Variants in SEC24A observed in about 807,000 individuals in gnomAD.
SEC24A encodes the protein protein transport protein Sec24A.
In SEC24A, 93 loss-of-function variants were observed where a neutral mutation model predicts 129.4. The ratio of observed to expected loss-of-function variants is 0.72; its 90% CI spans 0.61 to 0.85. The LOEUF (loss-of-function observed/expected upper bound fraction) is 0.85. Among genes scored for constraint, SEC24A ranks in the 40% least tolerant of loss-of-function variants. The pLI, the probability that SEC24A is intolerant of heterozygous loss-of-function variation, is 0.00. For missense variants in SEC24A, 1,264 were observed against 1,307.4 expected, an observed-to-expected ratio of 0.97 and a Z score of 0.51; for synonymous variants, 460 against 467.3, an observed-to-expected ratio of 0.98 and a Z score of 0.20.
rs953704598 is a variant in SEC24A at position 134,692,956 on chromosome 5, A to G, written c.1779+299A>G. 31 of 1,241,628 alleles carry G rather than the reference A, an allele frequency of 2.5e-5. No homozygotes were observed. In the East Asian group the frequency reaches 7.8e-4, roughly 31 times the overall value. 76.9% of individuals were successfully genotyped at this position (1,241,628 alleles called of 1,614,324 possible). ...TTGGGAAGTTGGGAGGGTTGCTGAGATAAAGCTTCTGGTCACTACATAGAA... is the reference window on the plus strand; with the variant it reads ...TTGGGAAGTTGGGAGGGTTGCTGAGGTAAAGCTTCTGGTCACTACATAGAA... On this transcript the variant is annotated intron_variant, in intron 12 of 22. Coordinates refer to ENST00000398844, the MANE Select transcript of SEC24A (RefSeq NM_021982.3).
At chr5:134,679,935 A>G (rs1323180440) in intron 8 of SEC24A, among the ~76,000 whole-genome samples, 1 of 152,162 alleles carries the variant, frequency 6.6e-6, no homozygotes, top group Admixed American at 6.6e-5. Context: ...AAAAATAATG[A>G]TAGTATTACA....
At chr5:134,707,473 G>A (rs923240032) in intron 17 of SEC24A, among the ~76,000 whole-genome samples, 53 of 151,944 alleles carry the variant, frequency 3.5e-4, no homozygotes, top group Admixed American at 2.1e-3. Flanking sequence ...GGGACTACAG[G>A]CGCCCGCCAT....
chr5:134,685,626 T>G (rs922086195), intron 9 of SEC24A, among the ~76,000 whole-genome samples: 2 of 152,160 alleles, frequency 1.3e-5, no homozygotes, highest in Admixed American at 6.6e-5. Context: ...CATACCCAGT[T>G]CTGACTGTGG....
At chr5:134,710,440 T>A (rs146298107) in intron 18 of SEC24A, among the ~76,000 whole-genome samples, 365 of 152,120 alleles carry the variant, frequency 2.4e-3, no homozygotes, top group African/African-American at 8.3e-3. Flanking sequence ...ACCATATTGG[T>A]TAGGCTGGTT....
Position 134,674,735 on chromosome 5 carries a change from C to T in SEC24A, c.938C>T (p.Ser313Phe), listed in dbSNP as rs763510006. Reference protein sequence around the residue: ...TPPGATGVPPSSLNYPSGPQA... With the variant: ...TPPGATGVPPFSLNYPSGPQA... ...CCTGGTGCAACTGGAGTACCACCCT[C>T]TTCCTTGAATTACCCAAGTGGGCCA... Residue 313 changes from serine to phenylalanine, a missense_variant, in exon 5 of 23, where the codon TCT becomes TTT. Ser to Phe is a radical substitution (Grantham distance 155). Coordinates refer to ENST00000398844, the MANE Select transcript of SEC24A (RefSeq NM_021982.3). 1 of 1,613,990 alleles carries T rather than the reference C, an allele frequency of 6.2e-7. No individual in the cohort carries two copies. Among genetic ancestry groups the T allele is most frequent in the East Asian group, 2.2e-5 (1 of 44,884 alleles).
intron 18 of SEC24A, among the ~76,000 whole-genome samples, chr5:134,710,209 CTTCTTTTT>C (rs1752280853): frequency 6.8e-6 from 1 of 148,056 alleles, no homozygotes; most frequent in African/African-American, 2.5e-5. Flanking sequence ...TCTTAATCTT[CTTCTTTTT>C]TTTTTTTTGT....
At chr5:134,667,669 C>CAA (rs1191699758) in intron 3 of SEC24A, among the ~76,000 whole-genome samples, 3 of 115,028 alleles carry the variant, frequency 2.6e-5, no homozygotes, top group Admixed American at 9.1e-5. Context: ...AAAAAAAAAA[C>CAA]AAAAAAAAAA....
chr5:134,698,598 CAAA>C (rs536006364), intron 15 of SEC24A, among the ~76,000 whole-genome samples: 3 of 69,740 alleles, frequency 4.3e-5, no homozygotes, highest in Admixed American at 1.6e-4. Flanking sequence ...ACACTGTCTC[CAAA>C]AAAAAAAAAA....
At chr5:134,663,134 G>C (rs145973764) in intron 2 of SEC24A, among the ~76,000 whole-genome samples, 3 of 152,138 alleles carry the variant, frequency 2.0e-5, no homozygotes, top group Non-Finnish European at 4.4e-5. Flanking sequence ...TCCCAAGCTG[G>C]AGTGCAGTGG....
intron 9 of SEC24A, among the ~76,000 whole-genome samples, chr5:134,684,719 C>G (rs58855544): frequency 1.3e-5 from 2 of 151,268 alleles, no homozygotes; most frequent in African/African-American, 4.9e-5. Context: ...TCTCAAAAAA[C>G]AAAAAAGAAA....
chr5:134,664,456 G>A (rs183981545), intron 2 of SEC24A, among the ~76,000 whole-genome samples: 7 of 152,078 alleles, frequency 4.6e-5, no homozygotes, highest in Admixed American at 4.6e-4. Context: ...TCTTCAACTT[G>A]AAAAAATGTT....
intron 15 of SEC24A, 126 bp downstream of exon 15, chr5:134,698,183 A>G (rs1183741806): frequency 1.4e-6 from 1 of 735,058 alleles, no homozygotes; most frequent in Non-Finnish European, 2.2e-6. Context: ...ATATGCAATT[A>G]AGAGGAGAGA....
At chr5:134,710,529 G>A (rs1247478703) in intron 18 of SEC24A, among the ~76,000 whole-genome samples, 1 of 152,056 alleles carries the variant, frequency 6.6e-6, no homozygotes, top group African/African-American at 2.4e-5. Context: ...CACCATGCCT[G>A]GTCCTTAATC....
At chr5:134,668,887 AAAAAAT>A (rs1750757756) in intron 3 of SEC24A, among the ~76,000 whole-genome samples, 2 of 151,852 alleles carry the variant, frequency 1.3e-5, no homozygotes, top group Non-Finnish European at 2.9e-5. Context: ...CTGTCTCAAA[AAAAAAT>A]AAAAATAATA....
chr5:134,703,960 CA>C, intron 16 of SEC24A, 28 bp downstream of exon 16: 1 of 1,440,712 alleles, frequency 6.9e-7, no homozygotes, highest in Non-Finnish European at 9.6e-7. Flanking sequence ...TTTTGGATTT[CA>C]AATGTTCAAA....
rs751138697 is a variant in SEC24A, at chr5:134,718,129, G to C, written c.2926G>C (p.Glu976Gln). ...PQPPILQLSVEKLSRDGAFLM... is the reference protein window; with the variant it reads ...PQPPILQLSVQKLSRDGAFLM... ...GCCCCCCATTCTTCAGCTTTCAGTG[G>C]AGAAGCTGAGCAGAGATGGAGCTTT... is the stretch of plus-strand genomic sequence containing the variant. The change falls in exon 20 of 23, where the codon GAG (glutamate) becomes CAG (glutamine). Residue 976 changes from glutamate to glutamine, a missense_variant. By Grantham distance (29) the Glu-to-Gln change is conservative. Transcript: ENST00000398844. 2 of 1,614,048 alleles carry C rather than the reference G, an allele frequency of 1.2e-6. No individual in the cohort carries two copies. The highest frequency in any genetic ancestry group is 1.7e-6 in the Non-Finnish European group (2 of 1,179,984).
chr5:134,693,021 T>G lies in SEC24A; in HGVS notation c.1779+364T>G, dbSNP rs750000451. The G allele has an allele frequency of 2.6e-6, 4 of 1,535,752 alleles. No individual in the cohort carries two copies. The South Asian group carries it at 4.8e-5, about 18-fold the overall frequency. Reference sequence around the variant, plus strand: ...CTGCTTTCAGTGCCCTTTGCTTTTCTGATTCACAGAGTGTCATTGGGGTCA... The same window carrying G: ...CTGCTTTCAGTGCCCTTTGCTTTTCGGATTCACAGAGTGTCATTGGGGTCA... On this transcript the variant is annotated intron_variant, in intron 12 of 22. Transcript: ENST00000398844.
intron 19 of SEC24A, among the ~76,000 whole-genome samples, chr5:134,717,011 C>G (rs1752496065): frequency 1.3e-5 from 2 of 150,836 alleles, no homozygotes; most frequent in Middle Eastern, 3.4e-3. Context: ...TCCCGAGTAG[C>G]TGGGATTACA....
Position 134,708,804 on chromosome 5 carries a change from A to G in SEC24A, c.2643A>G (p.Ser881=), listed in dbSNP as rs757005862. 1.9e-6 allele frequency: 3 copies of G among 1,614,024 alleles called. No homozygotes were observed. Among genetic ancestry groups the G allele is most frequent in the East Asian group, 2.2e-5 (1 of 44,894 alleles). The change falls in exon 18 of 23, where the codon TCA becomes TCG. Residue 881 remains serine, a synonymous_variant. Coordinates refer to ENST00000398844, the MANE Select transcript of SEC24A (RefSeq NM_021982.3). The part of the protein sequence containing the change: ...VIDSLSAYRS[S]VLSNQQPGLM... ...ACTCCCTTTCAGCTTACCGTTCTTC[A>G]GTCTTAAGTAACCAGCAGCCTGGAC...
Sources: gnomAD v4.1 joint callset for allele counts (sites outside exome capture counted in the v4.1 genomes callset) on GRCh38, gnomAD v4.1.1 for gene constraint, MANE v1.5 for transcripts, NCBI Gene and HGNC (gene_info 2026-07-23, HGNC 2026-07-21) for gene names.